SLC30A3: variants seen among roughly 807,000 people sequenced by gnomAD.
SLC30A3 encodes probable proton-coupled zinc antiporter SLC30A3.
SLC30A3 carries 20 observed loss-of-function variants against 35.6 expected under a neutral mutation model. The observed-to-expected ratio is 0.56, with a 90% confidence interval of 0.39 to 0.82. The LOEUF (loss-of-function observed/expected upper bound fraction) is 0.82, where lower values mean the gene tolerates loss of function less well. Among genes scored for constraint, SLC30A3 ranks in the 40% least tolerant of loss-of-function variants. The pLI is 0.00. For missense variants in SLC30A3, 401 were observed against 530.6 expected (o/e 0.76, Z 2.40); for synonymous variants, 217 against 224.7 (o/e 0.97, Z 0.31).
chr2:27,257,087 C>T lies in SLC30A3; in HGVS notation c.777+67G>A. 6.6e-7 allele frequency: 1 copy of T among 1,505,838 alleles called. No individual in the cohort carries two copies. Among genetic ancestry groups the T allele is most frequent in the Non-Finnish European group, 9.2e-7 (1 of 1,084,028 alleles). 93.3% of individuals were successfully genotyped at this position (1,505,838 alleles called of 1,614,324 possible). On this transcript the variant is annotated intron_variant, in intron 5 of 7. Transcript: ENST00000233535. This position sits in a 1 kb window ranked among gnomAD's most constrained non-coding sequence, Gnocchi z 4.7. Reference sequence around the variant, plus strand: ...GGGAGGAGGAAGGAAGCTTTGGGACCTGGGAAGGAGTGGGCTGGGATGTGG... The same window carrying T: ...GGGAGGAGGAAGGAAGCTTTGGGACTTGGGAAGGAGTGGGCTGGGATGTGG...
rs1327882971 is a variant in SLC30A3, at chr2:27,255,426, T to A, written c.1053A>T (p.Glu351Asp). 1 of 1,613,784 alleles carries A rather than the reference T, an allele frequency of 6.2e-7. No homozygotes were observed. The highest frequency in any genetic ancestry group is 8.5e-7 in the Non-Finnish European group (1 of 1,179,998). ...ACCGGGAGTAGAGCCGGGATGAGGC[T>A]TCAGCCAGGACGGCTTCAGGGTCAG... is the stretch of plus-strand genomic sequence containing the variant. ...STADPEAVLA[E>D]ASSRLYSRFG... The change falls in exon 8 of 8, where the codon GAA becomes GAT. Residue 351 changes from glutamate to aspartate, a missense_variant. Transcript: ENST00000233535. This position sits in a 1 kb window ranked among gnomAD's most constrained non-coding sequence, Gnocchi z 5.2.
chr2:27,274,518 T>C (rs768357452), intron 1 of SLC30A3, among the ~76,000 whole-genome samples: 30 of 152,002 alleles, frequency 2.0e-4, no homozygotes, highest in Middle Eastern at 3.2e-3. Flanking sequence ...CACTACAAAG[T>C]AGTAAATTAT....
At chr2:27,273,339 T>G (rs10182712) in intron 1 of SLC30A3, among the ~76,000 whole-genome samples, 1 of 152,008 alleles carries the variant, frequency 6.6e-6, no homozygotes, top group Non-Finnish European at 1.5e-5. Flanking sequence ...CCAGAGCAAG[T>G]AGGACAGTGG....
In SLC30A3 at chr2:27,257,836, C is replaced by T. The variant is rs1676952632; in HGVS notation, c.578+69G>A. On this transcript the variant is annotated intron_variant, in intron 4 of 7. Transcript: ENST00000233535. This position sits in a 1 kb window ranked among gnomAD's most constrained non-coding sequence, Gnocchi z 4.7. Reference sequence around the variant, plus strand: ...TGTCTGGTGGGGAGGAGAGAGCCAGCTCTCCCATCCTGGAGGAAGACCCCT... The same window carrying T: ...TGTCTGGTGGGGAGGAGAGAGCCAGTTCTCCCATCCTGGAGGAAGACCCCT... 1.4e-6 allele frequency: 2 copies of T among 1,478,754 alleles called. No homozygotes were observed. The highest frequency in any genetic ancestry group is 1.4e-5 in the African/African-American group (1 of 72,058). 91.6% of individuals were successfully genotyped at this position (1,478,754 alleles called of 1,614,324 possible).
Position 27,255,257 on chromosome 2 carries a change from T to C in SLC30A3, c.*55A>G, listed in dbSNP as rs1369533422. On this transcript the variant is annotated 3_prime_UTR_variant, in exon 8 of 8. Transcript: ENST00000233535. The surrounding 1 kb of genome is among the most constrained non-coding windows in gnomAD (Gnocchi z 5.2). The stretch of plus-strand genomic sequence containing the variant: ...TCTCTGTGATCAGGGCAGCAGATGC[T>C]GAGAGTCTGGGGCTGAGCCTCGGCC... 12 of 1,610,226 alleles carry C rather than the reference T, an allele frequency of 7.5e-6. 1 individual carries two copies. The highest frequency in any genetic ancestry group is 5.3e-5 in the African/African-American group (4 of 74,834).
Position 27,255,209 on chromosome 2 carries a change from G to C in SLC30A3, c.*103C>G. 2 of 1,604,892 alleles carry C rather than the reference G, an allele frequency of 1.2e-6. No individual in the cohort carries two copies. The highest frequency in any genetic ancestry group is 2.2e-5 in the South Asian group (2 of 90,546). On this transcript the variant is annotated 3_prime_UTR_variant, in exon 8 of 8. Transcript: ENST00000233535. This position sits in a 1 kb window ranked among gnomAD's most constrained non-coding sequence, Gnocchi z 5.2. ...AGGTGGTAGGAGGGAGAGAGGAAGG[G>C]GTATGGACCTGGCTCGGTCCCGTCT...
Position 27,257,342 on chromosome 2 carries a change from C to T in SLC30A3, c.589G>A (p.Val197Met). The T allele has an allele frequency of 6.2e-7, 1 of 1,611,790 alleles. No individual in the cohort carries two copies. The highest frequency in any genetic ancestry group is 8.5e-7 in the Non-Finnish European group (1 of 1,179,082). ...AVCANLLMAFVLHQAGPPHSH... is the reference protein window; with the variant it reads ...AVCANLLMAFMLHQAGPPHSH... ...TGGGGGGGCCCAGCCTGGTGCAGCA[C>T]AAAGGCCATTCTGAGGGGTAAGCAG... The change falls in exon 5 of 8, where the codon GTG becomes ATG. Residue 197 changes from valine (V) to methionine (M), a missense_variant. This residue lies in a region of SLC30A3 where 296 missense variants were observed against 392.6 expected (regional missense o/e 0.75). Transcript: ENST00000233535. This position sits in a 1 kb window ranked among gnomAD's most constrained non-coding sequence, Gnocchi z 4.7.
intron 1 of SLC30A3, among the ~76,000 whole-genome samples, chr2:27,272,668 G>A (rs945596652): frequency 4.0e-5 from 6 of 151,168 alleles, no homozygotes; most frequent in Admixed American, 1.3e-4. Flanking sequence ...CCTCGTGATC[G>A]ACCCGCCTCG....
At chr2:27,263,073 A>C, upstream of SLC30A3, 2 of 1,350,168 alleles carry the variant, frequency 1.5e-6, no homozygotes, top group Non-Finnish European at 1.9e-6. Flanking sequence ...CGAACTGCAG[A>C]TCCCGCTGCC....
At chr2:27,273,661 C>T (rs1400432574) in intron 1 of SLC30A3, among the ~76,000 whole-genome samples, 4 of 152,034 alleles carry the variant, frequency 2.6e-5, no homozygotes, top group African/African-American at 9.7e-5. Flanking sequence ...GGTCTTCATC[C>T]CCTCTCCCTG....
rs1676966155 is a variant in SLC30A3, at chr2:27,258,013, G to A, written c.470C>T (p.Thr157Ile). 1 of 1,614,198 alleles carries A rather than the reference G, an allele frequency of 6.2e-7. No individual in the cohort carries two copies. Among genetic ancestry groups the A allele is most frequent in the Admixed American group, 1.7e-5 (1 of 60,030 alleles). Residue 157 changes from threonine to isoleucine, a missense_variant, in exon 4 of 8, where the codon ACT becomes ATT. Thr to Ile is a moderately conservative substitution (Grantham distance 89). This residue lies in a region of SLC30A3 where 296 missense variants were observed against 392.6 expected (regional missense o/e 0.75). Transcript: ENST00000233535. The surrounding 1 kb of genome is among the most constrained non-coding windows in gnomAD (Gnocchi z 4.0). ...GAAGGCCAGGTACAGGAGGATGCCA[G>A]TGACCATCCAGAGGGAGACCACAGA... ...LASVVSLWMV[T>I]GILLYLAFVR...
At position 27,263,040 on chromosome 2, in the gene SLC30A3, C is replaced by G; in HGVS notation, c.-134G>C. On this transcript the variant is annotated 5_prime_UTR_variant, in exon 1 of 8. Coordinates refer to ENST00000233535, the MANE Select transcript of SLC30A3 (RefSeq NM_003459.5). Reference sequence around the variant, plus strand: ...GGGGCCACCAGAGTGGAGCGAACTGCAGCGACTGTGGCGCGCGGAGTCCGA... The same window carrying G: ...GGGGCCACCAGAGTGGAGCGAACTGGAGCGACTGTGGCGCGCGGAGTCCGA... 7.3e-7 allele frequency: 1 copy of G among 1,375,928 alleles called. No individual in the cohort carries two copies. Among genetic ancestry groups the G allele is most frequent in the Non-Finnish European group, 9.3e-7 (1 of 1,070,886 alleles). 85.2% of individuals were successfully genotyped at this position (1,375,928 alleles called of 1,614,324 possible). A position where few individuals can be genotyped will look rare whatever the true frequency, so the allele number is the denominator to read the frequency against.
rs1677002433 is a variant in SLC30A3 at position 27,258,563 on chromosome 2, A to G, written c.277+190T>C. The G allele has an allele frequency of 1.4e-6, 1 of 692,266 alleles. No individual in the cohort carries two copies. The highest frequency in any genetic ancestry group is 1.8e-5 in the African/African-American group (1 of 55,052). 42.9% of individuals were successfully genotyped at this position (692,266 alleles called of 1,614,324 possible). On this transcript the variant is annotated intron_variant, in intron 2 of 7. Coordinates refer to ENST00000233535, the MANE Select transcript of SLC30A3 (RefSeq NM_003459.5). This position sits in a 1 kb window ranked among gnomAD's most constrained non-coding sequence, Gnocchi z 4.0. ...GTCAGCCCTGACCTACTGGCCCCGG[A>G]CCTCGGCTGGAATTCCCTTTGTTGC...
intron 1 of SLC30A3, among the ~76,000 whole-genome samples, chr2:27,268,762 A>C (rs1677604644): frequency 6.6e-6 from 1 of 152,108 alleles, no homozygotes; most frequent in South Asian, 2.1e-4. Context: ...GGACAATAGT[A>C]GACAATGAGT....
exon 1 of SLC30A3, chr2:27,275,244 G>A: frequency 6.1e-6 from 8 of 1,303,050 alleles, no homozygotes; most frequent in Non-Finnish European, 8.1e-6. Flanking sequence ...AAGATGGGTG[G>A]TGCCCTCCTG....
At position 27,255,131 on chromosome 2, in the gene SLC30A3, C is replaced by G; in HGVS notation, c.*181G>C. ...GACTCCCACCCCACTCCCCGCCACA[C>G]TTTGGTCTTGCCCACTGGGGCTGGG... is the stretch of plus-strand genomic sequence containing the variant. On this transcript the variant is annotated 3_prime_UTR_variant, in exon 8 of 8. Transcript: ENST00000233535. The surrounding 1 kb of genome is among the most constrained non-coding windows in gnomAD (Gnocchi z 5.2). 6.4e-7 allele frequency: 1 copy of G among 1,555,082 alleles called. No homozygotes were observed. Among genetic ancestry groups the G allele is most frequent in the South Asian group, 1.2e-5 (1 of 85,936 alleles).
upstream of SLC30A3, chr2:27,275,599 GC>G (rs1246480583): frequency 7.7e-6 from 2 of 261,360 alleles, no homozygotes; most frequent in African/African-American, 4.4e-5. Context: ...GGCCAGAGGT[GC>G]CCTGCACACT....
Position 27,255,236 on chromosome 2 carries a change from T to C in SLC30A3, c.*76A>G. ...TATGGACCTGGCTCGGTCCCGTCTCTGTGATCAGGGCAGCAGATGCTGAGA... is the reference window on the plus strand; with the variant it reads ...TATGGACCTGGCTCGGTCCCGTCTCCGTGATCAGGGCAGCAGATGCTGAGA... On this transcript the variant is annotated 3_prime_UTR_variant, in exon 8 of 8. Transcript: ENST00000233535. This position sits in a 1 kb window ranked among gnomAD's most constrained non-coding sequence, Gnocchi z 5.2. 4 of 1,608,696 alleles carry C rather than the reference T, an allele frequency of 2.5e-6. No individual in the cohort carries two copies. Among genetic ancestry groups the C allele is most frequent in the Non-Finnish European group, 3.4e-6 (4 of 1,177,424 alleles).
rs745860994 is a variant in SLC30A3 at position 27,258,273 on chromosome 2, G to A, written c.312C>T (p.Thr104=). The A allele has an allele frequency of 2.3e-5, 36 of 1,538,138 alleles. No homozygotes were observed. The highest frequency in any genetic ancestry group is 2.4e-5 in the Non-Finnish European group (27 of 1,141,182). ...GYLAHSLAIM[T]DAAHLLADVG... ...CATCCGCCAGCAAGTGGGCTGCATC[G>A]GTCATGATGGCCAGGCTGTGTGCCA... The change falls in exon 3 of 8, where the codon ACC becomes ACT. Residue 104 remains threonine, a synonymous_variant. Transcript: ENST00000233535. The surrounding 1 kb of genome is among the most constrained non-coding windows in gnomAD (Gnocchi z 4.0).
Sources: gnomAD v4.1 joint callset for allele counts (sites outside exome capture counted in the v4.1 genomes callset) on GRCh38, gnomAD v4.1.1 for gene constraint, gnomAD v4.1.1 regional missense constraint, Gnocchi (gnomAD v3.1) non-coding constraint, MANE v1.5 for transcripts, NCBI Gene and HGNC (gene_info 2026-07-23, HGNC 2026-07-21) for gene names.